Variants in RGPD2 observed in about 807,000 individuals in gnomAD.
RGPD2 encodes the protein RANBP2-like and GRIP domain-containing protein 2.
In RGPD2, 2 loss-of-function variants were observed where a neutral mutation model predicts 36.0. The observed-to-expected ratio is 0.06, with a 90% CI of 0.02 to 0.17. The LOEUF is 0.17. Among genes scored for constraint, RGPD2 ranks in the 10% least tolerant of loss-of-function variants. The pLI is 1.00. For synonymous variants in RGPD2, 19 were observed against 163.8 expected, an observed-to-expected ratio of 0.12 and a Z score of 6.75; for missense variants, 40 against 464.3, an observed-to-expected ratio of 0.09 and a Z score of 8.40.
the RGPD2 span, among the ~76,000 whole-genome samples, chr2:87,984,802 C>T: frequency 2.6e-4 from 40 of 151,540 alleles, no homozygotes; most frequent in African/African-American, 8.5e-4. Flanking sequence ...TGGTGGCGGG[C>T]GCCTGTAGTC....
the RGPD2 span, among the ~76,000 whole-genome samples, chr2:87,977,466 G>T: frequency 5.3e-5 from 8 of 150,720 alleles, no homozygotes; most frequent in Non-Finnish European, 8.8e-5. Flanking sequence ...TACACTAAAT[G>T]GATTTTTTTA....
the RGPD2 span, among the ~76,000 whole-genome samples, chr2:87,977,529 C>A: frequency 4.0e-5 from 6 of 151,018 alleles, no homozygotes; most frequent in Non-Finnish European, 8.8e-5. Flanking sequence ...ATAACATGTA[C>A]AAGGCCAGGC....
the RGPD2 span, among the ~76,000 whole-genome samples, chr2:87,910,899 TGA>T: frequency 6.6e-6 from 1 of 151,780 alleles, no homozygotes; most frequent in South Asian, 2.1e-4. Flanking sequence ...CCATGGATAA[TGA>T]GAGATGATTG....
At chr2:87,913,523 C>T in the RGPD2 span, among the ~76,000 whole-genome samples, 8 of 150,232 alleles carry the variant, frequency 5.3e-5, no homozygotes, top group Non-Finnish European at 1.5e-5. Flanking sequence ...TGCACATGTA[C>T]CCTAAAACTT....
the RGPD2 span, among the ~76,000 whole-genome samples, chr2:87,832,293 C>T: frequency 2.7e-5 from 4 of 148,758 alleles, no homozygotes; most frequent in Non-Finnish European, 4.5e-5. Context: ...TTGAACCTAC[C>T]TATGTTAGTA....
At chr2:87,883,254 A>T in the RGPD2 span, among the ~76,000 whole-genome samples, 2,941 of 151,614 alleles carry the variant, frequency 0.019, 9 homozygotes, top group Non-Finnish European at 0.03. Context: ...ATAGCTTGTT[A>T]CAAGTATAAA....
chr2:87,884,107 C>T, the RGPD2 span, among the ~76,000 whole-genome samples: 9 of 152,240 alleles, frequency 5.9e-5, no homozygotes, highest in Non-Finnish European at 1.0e-4. Flanking sequence ...CATTTTCCAT[C>T]GTAATGGTGT....
chr2:87,809,823 C>T (rs1260811233), intron 6 of RGPD2, among the ~76,000 whole-genome samples: 4 of 146,914 alleles, frequency 2.7e-5, no homozygotes, highest in Admixed American at 2.1e-4. Context: ...TGAGCCTCCC[C>T]CTCTGAGGGC....
At chr2:87,985,293 C>T in the RGPD2 span, among the ~76,000 whole-genome samples, 4 of 151,192 alleles carry the variant, frequency 2.6e-5, no homozygotes, top group African/African-American at 7.3e-5. Flanking sequence ...CTTCACATCC[C>T]AAGCAATATG....
At position 87,825,691 on chromosome 2, in the gene RGPD2, G is replaced by A. The variant is rs1686775472; in HGVS notation, c.39C>T (p.Ala13=). 1.2e-6 allele frequency: 2 copies of A among 1,600,592 alleles called. No homozygotes were observed. Among genetic ancestry groups the A allele is most frequent in the South Asian group, 2.3e-5 (2 of 88,740 alleles). ...GCGACGGGGCGGAGCCCTGCACCGA[G>A]GCGAGGTACCGCTCCCCGTAGGCTT... ...RSKAYGERYL[A]SVQGSAPSPG... is the part of the protein sequence containing the mutation. Residue 13 remains alanine (A), a synonymous_variant, in exon 1 of 23, where the codon GCC becomes GCT. Transcript: ENST00000398146.
the RGPD2 span, among the ~76,000 whole-genome samples, chr2:87,845,910 TTA>T: frequency 6.7e-6 from 1 of 149,892 alleles, no homozygotes; most frequent in Non-Finnish European, 1.5e-5. Flanking sequence ...ATTGACAGTA[TTA>T]TCTTATAATT....
the RGPD2 span, among the ~76,000 whole-genome samples, chr2:87,973,691 G>T: frequency 1.3e-5 from 1 of 77,282 alleles, no homozygotes; most frequent in African/African-American, 5.4e-5. Context: ...ACGTGAACCA[G>T]CTAAAAAAAA....
At chr2:87,960,182 A>C in the RGPD2 span, among the ~76,000 whole-genome samples, 1 of 152,022 alleles carries the variant, frequency 6.6e-6, no homozygotes, top group Non-Finnish European at 1.5e-5. Context: ...TAACCATTCA[A>C]TAGAATCAGA....
intron 8 of RGPD2, among the ~76,000 whole-genome samples, chr2:87,798,790 C>T (rs1162906279): frequency 1.9e-4 from 22 of 113,982 alleles, no homozygotes; most frequent in East Asian, 7.6e-4. Flanking sequence ...ATGGCGTGAA[C>T]CCGGGAGGCG....
the RGPD2 span, among the ~76,000 whole-genome samples, chr2:87,885,336 AAAG>A: frequency 9.9e-5 from 15 of 152,262 alleles, no homozygotes; most frequent in African/African-American, 3.4e-4. Context: ...CAAATTAGGT[AAAG>A]AAGGACTATT....
At chr2:87,913,941 T>C in the RGPD2 span, among the ~76,000 whole-genome samples, 27 of 152,294 alleles carry the variant, frequency 1.8e-4, no homozygotes, top group African/African-American at 5.5e-4. Flanking sequence ...TATTAAGCTA[T>C]TAAATGTTTT....
chr2:87,932,337 A>G, the RGPD2 span, among the ~76,000 whole-genome samples: 1 of 83,382 alleles, frequency 1.2e-5, no homozygotes, highest in Non-Finnish European at 2.5e-5. Flanking sequence ...TTTTGAACCT[A>G]TGTGTGTCTT....
chr2:87,896,877 C>T, the RGPD2 span, among the ~76,000 whole-genome samples: 1 of 135,244 alleles, frequency 7.4e-6, no homozygotes, highest in African/African-American at 2.7e-5. Flanking sequence ...CTTTTAGAAA[C>T]AAGACAACCT....
chr2:87,798,528 T>G (rs1255567394), intron 8 of RGPD2, among the ~76,000 whole-genome samples: 3 of 10,170 alleles, frequency 2.9e-4, no homozygotes, highest in African/African-American at 9.5e-4. Flanking sequence ...TTTCTGAACC[T>G]GGCTGATCAG....
Sources: gnomAD v4.1 joint callset for allele counts (sites outside exome capture counted in the v4.1 genomes callset) on GRCh38, gnomAD v4.1.1 for gene constraint, MANE v1.5 for transcripts, NCBI Gene and HGNC (gene_info 2026-07-23, HGNC 2026-07-21) for gene names.